ZDHHC24: variants seen among roughly 807,000 people sequenced by gnomAD.
ZDHHC24 encodes zDHHC palmitoyltransferase 24, also known as probable palmitoyltransferase ZDHHC24.
A neutral mutation model predicts 23.2 loss-of-function variants in ZDHHC24; 17 were observed. The ratio of observed to expected loss-of-function variants is 0.73; its 90% CI spans 0.50 to 1.10. The LOEUF (loss-of-function observed/expected upper bound fraction) is 1.10. Among genes scored for constraint, ZDHHC24 ranks in the 50% least tolerant of loss-of-function variants. The pLI is 0.00. For missense variants in ZDHHC24, 366 were observed against 393.0 expected (o/e 0.93, Z 0.58); for synonymous variants, 186 against 194.5 (o/e 0.96, Z 0.36).
downstream of ZDHHC24, chr11:66,532,226 G>A: frequency 3.2e-6 from 2 of 626,524 alleles, no homozygotes; most frequent in Non-Finnish European, 5.5e-6. Context: ...ACCTAGGGCG[G>A]CTCAACTCCT....
In ZDHHC24 at chr11:66,536,379, A is replaced by G. The variant is rs1856965983; in HGVS notation, c.*3150T>C. On this transcript the variant is annotated 3_prime_UTR_variant, in exon 3 of 3. Coordinates refer to ENST00000310442, the MANE Select transcript of ZDHHC24 (RefSeq NM_207340.3). ...CAAGACCAGCCTGACCAACATGGTG[A>G]AACTCCATCTCTACAAAAGTACAAA... is the stretch of plus-strand genomic sequence containing the variant. 6.6e-6 allele frequency: 1 copy of G among 152,316 alleles called. No homozygotes were observed. 9.4% of individuals were successfully genotyped at this position (152,316 alleles called of 1,614,324 possible). A position where few individuals can be genotyped will look rare whatever the true frequency, so the allele number is the denominator to read the frequency against.
chr11:66,524,125 C>A, intron 4 of ZDHHC24: 3 of 533,212 alleles, frequency 5.6e-6, no homozygotes, highest in Non-Finnish European at 1.0e-5. Flanking sequence ...ACTAAAAATA[C>A]AAAAATTAGC....
downstream of ZDHHC24, chr11:66,531,703 GGA>G (rs1209299063): frequency 6.2e-7 from 1 of 1,614,116 alleles, no homozygotes; most frequent in Non-Finnish European, 8.5e-7. Flanking sequence ...AGACCTTTGT[GGA>G]GAGTCTCAGT....
intron 4 of ZDHHC24, chr11:66,522,735 AGAT>A: frequency 4.2e-5 from 9 of 212,286 alleles, no homozygotes; most frequent in East Asian, 2.5e-4. Context: ...TTGATGAACA[AGAT>A]AAATATGGTC....
Position 66,539,482 on chromosome 11 carries a change from C to A in ZDHHC24, c.*47G>T, listed in dbSNP as rs754771186. On this transcript the variant is annotated 3_prime_UTR_variant, in exon 3 of 3. Transcript: ENST00000310442. ...CCTTACTGAGTCTAGGTGTGGGGGC[C>A]CCCCTCTCACCCCTTCCTCCCTGCA... The A allele has an allele frequency of 4.7e-6, 7 of 1,484,776 alleles. No homozygotes were observed. Among genetic ancestry groups the A allele is most frequent in the Non-Finnish European group, 6.3e-6 (7 of 1,119,356 alleles). 92.0% of individuals were successfully genotyped at this position (1,484,776 alleles called of 1,614,324 possible).
chr11:66,528,095 T>A (rs1856598966), intron 3 of ZDHHC24, among the ~76,000 whole-genome samples: 1 of 152,122 alleles, frequency 6.6e-6, no homozygotes, highest in Non-Finnish European at 1.5e-5. Flanking sequence ...CTGGGCATGG[T>A]GGCACACGCC....
downstream of ZDHHC24, chr11:66,533,005 A>T (rs1856846586): frequency 6.6e-6 from 1 of 152,230 alleles, no homozygotes. Context: ...TTAGCAGGAA[A>T]GGCGGGGCCT....
chr11:66,544,571 C>T (rs1857254689), intron 1 of ZDHHC24, among the ~76,000 whole-genome samples: 1 of 152,210 alleles, frequency 6.6e-6, no homozygotes, highest in African/African-American at 2.4e-5. Context: ...CTTTGCACCA[C>T]TTGTTACCTC....
At chr11:66,521,405 G>A in exon 5 of ZDHHC24, 1 of 1,574,106 alleles carries the variant, frequency 6.4e-7, no homozygotes, top group Non-Finnish European at 8.7e-7. Flanking sequence ...TCCGGGGCCG[G>A]GAGGAACATC....
At chr11:66,544,071 G>T (rs902967136) in intron 1 of ZDHHC24, 90 bp from the exon 2 acceptor site, 11 of 1,525,156 alleles carry the variant, frequency 7.2e-6, no homozygotes, top group African/African-American at 1.4e-5. Flanking sequence ...TCCTGCGGAA[G>T]TGGCAACAGC....
chr11:66,529,846 TA>T, intron 2 of ZDHHC24: 1 of 1,611,116 alleles, frequency 6.2e-7, no homozygotes, highest in Non-Finnish European at 8.5e-7. Flanking sequence ...CAGACAGACC[TA>T]TACCTGCTGC....
At position 66,523,533 on chromosome 11, in the gene ZDHHC24, T is replaced by C. The variant is rs750668484; in HGVS notation, c.*22-2067A>G. 4.1e-5 allele frequency: 66 copies of C among 1,614,118 alleles called. 1 individual carries two copies. In the East Asian group the frequency reaches 5.1e-4, roughly 13 times the overall value. On this transcript the variant is annotated intron_variant, in intron 4 of 4. Transcript: ENST00000526986. ...CTTATCCGGGTACACAAGGTCCTAGTGGTGGGCAGCACCCAAGACAGCCTG... is the reference window on the plus strand; with the variant it reads ...CTTATCCGGGTACACAAGGTCCTAGCGGTGGGCAGCACCCAAGACAGCCTG...
rs201107729 is a variant in ZDHHC24, at chr11:66,529,788, C to T, written c.560-300G>A. ...CCTCCTCCCTGCCACCCCCCACCTC[C>T]ACCGTCAGCCTCTGGGACCCTTCTC... On this transcript the variant is annotated intron_variant, in intron 2 of 4. Coordinates refer to the ZDHHC24 transcript ENST00000526986. The T allele has an allele frequency of 3.0e-4, 481 of 1,608,610 alleles. 2 individuals are homozygous for T. In the East Asian group the frequency reaches 0.01, roughly 35 times the overall value.
chr11:66,545,821 C>T lies in ZDHHC24; in HGVS notation c.183G>A (p.Gln61=), dbSNP rs1857302116. The change falls in exon 1 of 3, where the codon CAG becomes CAA. Residue 61 remains glutamine, a synonymous_variant. Coordinates refer to ENST00000310442, the MANE Select transcript of ZDHHC24 (RefSeq NM_207340.3). This position sits in a 1 kb window ranked among gnomAD's most constrained non-coding sequence, Gnocchi z 4.5. The stretch of plus-strand genomic sequence containing the variant: ...CCACGTTGCCCAGCAGGTTGAGCAG[C>T]TGGAAGGCGGCCAGCGCCAGCTGCA... The part of the protein sequence containing the change: ...RALQLALAAF[Q]LLNLLGNVGL... The T allele has an allele frequency of 6.4e-7, 1 of 1,572,480 alleles. No individual in the cohort carries two copies. The highest frequency in any genetic ancestry group is 1.1e-5 in the South Asian group (1 of 87,260).
Position 66,545,133 on chromosome 11 carries a change from A to G in ZDHHC24, c.281+590T>C, listed in dbSNP as rs1221225624. On this transcript the variant is annotated intron_variant, in intron 1 of 2. Coordinates refer to ENST00000310442, the MANE Select transcript of ZDHHC24 (RefSeq NM_207340.3). The surrounding 1 kb of genome is among the most constrained non-coding windows in gnomAD (Gnocchi z 4.5). ...CGGCTCACTGCAACCTCCGCCTCCC[A>G]GGTTCAAACAATTCTCTTGCCTCAG... Among the ~76,000 whole-genome samples the G allele has an allele frequency of 6.6e-6, 1 of 152,096 alleles. No individual in the cohort carries two copies. The highest frequency in any genetic ancestry group is 1.9e-4 in the East Asian group (1 of 5,196).
chr11:66,541,938 G>A (rs933780952), intron 2 of ZDHHC24, among the ~76,000 whole-genome samples: 1 of 151,734 alleles, frequency 6.6e-6, no homozygotes, highest in Non-Finnish European at 1.5e-5. Context: ...AGGATATGAG[G>A]GCAAGGGAGG....
At chr11:66,533,255 T>A (rs1252907371), downstream of ZDHHC24, 1 of 152,180 alleles carries the variant, frequency 6.6e-6, no homozygotes, top group Non-Finnish European at 1.5e-5. Flanking sequence ...TAAAACATAC[T>A]TATTTAAAAA....
chr11:66,525,572 A>T (rs1202330753), intron 4 of ZDHHC24, among the ~76,000 whole-genome samples: 1 of 152,190 alleles, frequency 6.6e-6, no homozygotes, highest in Non-Finnish European at 1.5e-5. Context: ...TCAAAAAAAA[A>T]GTATGTCACA....
Position 66,539,419 on chromosome 11 carries a change from G to T in ZDHHC24, c.*110C>A. 2.9e-6 allele frequency: 4 copies of T among 1,399,954 alleles called. No homozygotes were observed. Among genetic ancestry groups the T allele is most frequent in the Non-Finnish European group, 3.7e-6 (4 of 1,079,748 alleles). The allele number at this position is 1,399,954 out of a possible 1,614,324, so 86.7% of individuals were successfully genotyped here. A position where few individuals can be genotyped will look rare whatever the true frequency, so the allele number is the denominator to read the frequency against. Reference sequence around the variant, plus strand: ...CAGGGGCAAGGCCAAGGAAGGGGTGGAGTTGTCCAATGCAGATGTTAAGGT... The same window carrying T: ...CAGGGGCAAGGCCAAGGAAGGGGTGTAGTTGTCCAATGCAGATGTTAAGGT... On this transcript the variant is annotated 3_prime_UTR_variant, in exon 3 of 3. Coordinates refer to ENST00000310442, the MANE Select transcript of ZDHHC24 (RefSeq NM_207340.3).
Sources: allele counts gnomAD v4.1 joint callset (sites outside exome capture counted in the v4.1 genomes callset), GRCh38; gene constraint gnomAD v4.1.1; non-coding constraint Gnocchi (gnomAD v3.1); transcripts MANE v1.5; gene names NCBI Gene and HGNC (gene_info 2026-07-23, HGNC 2026-07-21).